UBE2K: variants seen among roughly 807,000 people sequenced by gnomAD.
The protein encoded by UBE2K is ubiquitin-conjugating enzyme E2 K.
In UBE2K, 6 loss-of-function variants were observed where a neutral mutation model predicts 30.0. The ratio of observed to expected loss-of-function variants is 0.20; its 90% CI spans 0.11 to 0.39. The LOEUF is 0.39. UBE2K is among the 10% of genes least tolerant of loss of function. UBE2K has a pLI of 1.00. For missense variants in UBE2K, 61 were observed against 241.6 expected (o/e 0.25, Z 4.96); for synonymous variants, 86 against 83.7 (o/e 1.03, Z -0.15).
At chr4:39,700,754 T>C (rs887448854) in intron 1 of UBE2K, among the ~76,000 whole-genome samples, 1 of 151,734 alleles carries the variant, frequency 6.6e-6, no homozygotes, top group Non-Finnish European at 1.5e-5. Flanking sequence ...CTAAGAACAC[T>C]GGTTGATTTA....
chr4:39,754,860 A>G (rs764386312), intron 3 of UBE2K, among the ~76,000 whole-genome samples: 9 of 152,222 alleles, frequency 5.9e-5, no homozygotes, highest in Non-Finnish European at 1.3e-4. Flanking sequence ...GTGTCAAAGA[A>G]TATGGGCTCA....
chr4:39,700,911 T>C (rs1717971646), intron 1 of UBE2K, among the ~76,000 whole-genome samples: 1 of 17,448 alleles, frequency 5.7e-5, no homozygotes, highest in African/African-American at 2.4e-4. Context: ...AGGTGCAGAA[T>C]AGTGTGGAAG....
At chr4:39,710,003 C>A (rs1292311958) in intron 1 of UBE2K, 1 of 151,856 alleles carries the variant, frequency 6.6e-6, no homozygotes, top group Non-Finnish European at 1.5e-5. Context: ...ATCTGACATC[C>A]ATTTTATTCT....
chr4:39,748,643 A>G (rs1002235780), intron 3 of UBE2K, among the ~76,000 whole-genome samples: 9 of 151,882 alleles, frequency 5.9e-5, no homozygotes, highest in African/African-American at 1.9e-4. Flanking sequence ...AAAGAAAAAG[A>G]AAAGCCTCTA....
At chr4:39,768,002 A>G (rs939326388) in intron 4 of UBE2K, among the ~76,000 whole-genome samples, 1 of 152,084 alleles carries the variant, frequency 6.6e-6, no homozygotes, top group African/African-American at 2.4e-5. Context: ...TGTGTTCCTT[A>G]TGTTATTTTT....
Position 39,737,432 on chromosome 4 carries a change from C to A in UBE2K, c.76C>A (p.Gln26Lys). The A allele has an allele frequency of 6.5e-7, 1 of 1,549,734 alleles. No individual in the cohort carries two copies. Among genetic ancestry groups the A allele is most frequent in the Non-Finnish European group, 8.6e-7 (1 of 1,156,328 alleles). Residue 26 changes from glutamine to lysine, a missense_variant, in exon 2 of 7, where the codon CAA becomes AAA. Transcript: ENST00000261427. ...GTTTATTTTTAAGACGAGCAAAAAT[C>A]AAATTAAAGTAGATCTTGTAGATGA... ...VLKSEETSKN[Q>K]IKVDLVDENF...
intron 4 of UBE2K, among the ~76,000 whole-genome samples, chr4:39,765,312 C>G (rs1160480927): frequency 6.6e-6 from 1 of 150,392 alleles, no homozygotes; most frequent in Admixed American, 6.6e-5. Context: ...TCGCTTGAGC[C>G]CAGGAGTTCA....
chr4:39,731,402 A>G (rs1185373476), intron 1 of UBE2K, among the ~76,000 whole-genome samples: 1 of 152,004 alleles, frequency 6.6e-6, no homozygotes, highest in Non-Finnish European at 1.5e-5. Context: ...AAGCTTCAGA[A>G]AACACGGTGG....
At chr4:39,717,903 G>A (rs371163672) in intron 1 of UBE2K, among the ~76,000 whole-genome samples, 4 of 146,616 alleles carry the variant, frequency 2.7e-5, no homozygotes, top group Non-Finnish European at 5.9e-5. Context: ...GGAGTTGTTC[G>A]TTCCTCCCGG....
intron 4 of UBE2K, among the ~76,000 whole-genome samples, chr4:39,764,930 A>G (rs2109392955): frequency 1.3e-5 from 2 of 150,552 alleles, no homozygotes; most frequent in Middle Eastern, 3.4e-3. Context: ...TCTGTGGCCC[A>G]GGCTGGAGTG....
chr4:39,748,069 A>G (rs553868536), intron 3 of UBE2K, among the ~76,000 whole-genome samples: 1 of 152,322 alleles, frequency 6.6e-6, no homozygotes, highest in South Asian at 2.1e-4. Context: ...GAAGTCATAC[A>G]CATTAAGTGG....
chr4:39,699,302 AACTTGATTCTTACTTTTGAAAAGCAG>A lies in UBE2K; in HGVS notation c.63+915_63+940del, dbSNP rs533602533. Among the ~76,000 whole-genome samples, 403 of 152,300 alleles carry A rather than the reference AACTTGATTCTTACTTTTGAAAAGCAG, an allele frequency of 2.6e-3. 1 individual carries two copies. The highest frequency in any genetic ancestry group is 9.0e-3 in the African/African-American group (373 of 41,566). On this transcript the variant is annotated intron_variant, in intron 1 of 6. Transcript: ENST00000261427. ...CTTCATTATGATGTCCCTCATAGTT[AACTTGATTCTTACTTTTGAAAAGCAG>A]ACCTATTAAAAATGTGAAATTTCAC... is the stretch of plus-strand genomic sequence containing the variant.
intron 4 of UBE2K, among the ~76,000 whole-genome samples, chr4:39,760,244 A>G (rs1048503835): frequency 2.6e-5 from 4 of 151,678 alleles, no homozygotes; most frequent in African/African-American, 7.3e-5. Flanking sequence ...AAAGCCAGTA[A>G]TATCTACCAA....
chr4:39,721,010 A>G (rs1416780867), intron 1 of UBE2K, among the ~76,000 whole-genome samples: 1 of 151,984 alleles, frequency 6.6e-6, no homozygotes, highest in Non-Finnish European at 1.5e-5. Flanking sequence ...GCTTTCTAAA[A>G]TGCTGAGATT....
intron 1 of UBE2K, among the ~76,000 whole-genome samples, chr4:39,698,634 CAG>C (rs1491141178): frequency 1.3e-5 from 2 of 151,954 alleles, no homozygotes; most frequent in South Asian, 2.1e-4. Context: ...AGGTGATGGA[CAG>C]GGGGCAACTC....
chr4:39,744,297 T>C (rs1030737666), intron 2 of UBE2K, among the ~76,000 whole-genome samples: 1 of 152,008 alleles, frequency 6.6e-6, no homozygotes, highest in African/African-American at 2.4e-5. Context: ...CTCAGCCTCC[T>C]GAGTAGCTGG....
intron 2 of UBE2K, among the ~76,000 whole-genome samples, chr4:39,737,967 T>G (rs563607971): frequency 6.6e-6 from 1 of 152,324 alleles, no homozygotes; most frequent in South Asian, 2.1e-4. Context: ...TCCAAATGTT[T>G]ATTTTCTTTA....
chr4:39,758,479 ACCAGCCTGGCCAACATGGTGAAACC>A (rs1711642133), intron 4 of UBE2K, among the ~76,000 whole-genome samples: 1 of 152,174 alleles, frequency 6.6e-6, no homozygotes, highest in African/African-American at 2.4e-5. Flanking sequence ...GAAGTTTGAG[ACCAGCCTGGCCAACATGGTGAAACC>A]CCATCTCTAC....
At position 39,760,070 on chromosome 4, in the gene UBE2K, G is replaced by A. The variant is rs761676204; in HGVS notation, c.299+4331G>A. ...TGGGCACCTGTAATCCCAGCTACTCGTGGGGCTGAGACAGGAGAATCTCTT... is the reference window on the plus strand; with the variant it reads ...TGGGCACCTGTAATCCCAGCTACTCATGGGGCTGAGACAGGAGAATCTCTT... On this transcript the variant is annotated intron_variant, in intron 4 of 6. Transcript: ENST00000261427. Among the ~76,000 whole-genome samples the A allele has an allele frequency of 2.3e-4, 35 of 150,794 alleles. 1 individual carries two copies. The East Asian group carries it at 6.2e-3, about 27-fold the overall frequency.
Sources: allele counts gnomAD v4.1 joint callset (sites outside exome capture counted in the v4.1 genomes callset), GRCh38; gene constraint gnomAD v4.1.1; transcripts MANE v1.5; gene names NCBI Gene and HGNC (gene_info 2026-07-23, HGNC 2026-07-21).